Variants in BPIFB4 observed in about 807,000 individuals in gnomAD.
BPIFB4 encodes BPI fold containing family B member 4.
A neutral mutation model predicts 69.2 loss-of-function variants in BPIFB4; 62 were observed. That is an observed-to-expected ratio of 0.90 (90% confidence interval 0.73 to 1.11). BPIFB4 has a LOEUF of 1.11. Among genes scored for constraint, BPIFB4 ranks in the 50% least tolerant of loss-of-function variants. The pLI is 0.00. For missense variants in BPIFB4, 789 were observed against 792.0 expected (o/e 1.00, Z 0.04); for synonymous variants, 330 against 332.7 (o/e 0.99, Z 0.09).
chr20:33,093,834 TCATCCATCCATC>T (rs112485472), intron 11 of BPIFB4, among the ~76,000 whole-genome samples: 3 of 149,216 alleles, frequency 2.0e-5, no homozygotes, highest in South Asian at 2.1e-4. Context: ...CCTTCACAAT[TCATCCATCCATC>T]CATCCATCCA....
In BPIFB4 at chr20:33,092,485, C is replaced by T. The variant is rs1336779252; in HGVS notation, c.1171C>T (p.Leu391Phe). 1 of 1,614,084 alleles carries T rather than the reference C, an allele frequency of 6.2e-7. No homozygotes were observed. Among genetic ancestry groups the T allele is most frequent in the Non-Finnish European group, 8.5e-7 (1 of 1,179,986 alleles). The change falls in exon 11 of 18, where the codon CTC (leucine) becomes TTC (phenylalanine). Residue 391 changes from leucine (L) to phenylalanine (F), a missense_variant. Physicochemically the swap from Leu to Phe is conservative, Grantham distance 22. Coordinates refer to ENST00000375483, the MANE Select transcript of BPIFB4 (RefSeq NM_182519.3). ...GCTGGTTGGGGAGGCTGGAGGAGGACTCATCGACTACCCATTGGGGTGGCC... is the reference window on the plus strand; with the variant it reads ...GCTGGTTGGGGAGGCTGGAGGAGGATTCATCGACTACCCATTGGGGTGGCC... ...NTLVGEAGGGLIDYPLGWPAV... is the reference protein window; with the variant it reads ...NTLVGEAGGGFIDYPLGWPAV...
intron 15 of BPIFB4, among the ~76,000 whole-genome samples, chr20:33,103,722 AC>A (rs1981969569): frequency 6.6e-6 from 1 of 152,048 alleles, no homozygotes; most frequent in East Asian, 1.9e-4. Flanking sequence ...AAAAAGTCAA[AC>A]CCATTCATTG....
chr20:33,090,626 C>T (rs1981568880), intron 9 of BPIFB4, 82 bp from the exon 10 acceptor site: 1 of 1,581,672 alleles, frequency 6.3e-7, no homozygotes, highest in Non-Finnish European at 8.6e-7. Context: ...CCTACCTTGT[C>T]CATCCCCAGC....
Position 33,083,349 on chromosome 20 carries a change from G to A in BPIFB4, c.170-18G>A, listed in dbSNP as rs193270836. On this transcript the variant is annotated intron_variant, in intron 4 of 17. Transcript: ENST00000375483. The stretch of plus-strand genomic sequence containing the variant: ...CGACACCATTACAATGACTACAGAC[G>A]CATTGAATTCCCCCGAGGTGTTGGT... The A allele has an allele frequency of 8.8e-5, 142 of 1,606,926 alleles. 1 individual carries two copies. The Middle Eastern group carries it at 2.2e-3, about 24-fold the overall frequency.
At position 33,107,787 on chromosome 20, in the gene BPIFB4, C is replaced by T. The variant is rs141087913; in HGVS notation, c.1788C>T (p.Ile596=). 8 of 1,614,114 alleles carry T rather than the reference C, an allele frequency of 5.0e-6. No individual in the cohort carries two copies. The highest frequency in any genetic ancestry group is 6.8e-6 in the Non-Finnish European group (8 of 1,179,960). The change falls in exon 17 of 18, where the codon ATC becomes ATT. Residue 596 remains isoleucine (I), a synonymous_variant. Transcript: ENST00000375483. ...TCCCTCTCCCCAAAATCCTCAACAT[C>T]GACTTTAGCAATGCAGACATTGACG... is the stretch of plus-strand genomic sequence containing the variant. ...SGVPLPKILN[I]DFSNADIDVL... is the part of the protein sequence containing the mutation.
chr20:33,098,168 G>A (rs1981809456), intron 13 of BPIFB4, among the ~76,000 whole-genome samples: 1 of 152,190 alleles, frequency 6.6e-6, no homozygotes, highest in Non-Finnish European at 1.5e-5. Context: ...TAGGGCATTA[G>A]TAAGATGCTC....
chr20:33,104,892 G>T lies in BPIFB4; in HGVS notation c.1744+19G>T. On this transcript the variant is annotated intron_variant, in intron 16 of 17. Coordinates refer to ENST00000375483, the MANE Select transcript of BPIFB4 (RefSeq NM_182519.3). ...ATGAACGGTGAGAGCGGGTGCCTGT[G>T]CCTCTCTGGGAGCTTGTGGCTTGGG... 2 of 1,613,022 alleles carry T rather than the reference G, an allele frequency of 1.2e-6. No homozygotes were observed. The highest frequency in any genetic ancestry group is 8.5e-7 in the Non-Finnish European group (1 of 1,179,060).
rs1351125622 is a variant in BPIFB4 at position 33,104,825 on chromosome 20, G to T, written c.1696G>T (p.Val566Leu). 6.2e-6 allele frequency: 10 copies of T among 1,614,164 alleles called. No individual in the cohort carries two copies. Among genetic ancestry groups the T allele is most frequent in the Non-Finnish European group, 7.6e-6 (9 of 1,180,030 alleles). The stretch of plus-strand genomic sequence containing the variant: ...TCCTCTGCAGATTGGCCTCATGGAG[G>T]TGCTGGTGGAGAAGATTTTTGACCT... ...VGNFDIGLME[V>L]LVEKIFDLAF... is the part of the protein sequence containing the mutation. The change falls in exon 16 of 18, where the codon GTG becomes TTG. Residue 566 changes from valine (V) to leucine (L), a missense_variant. By Grantham distance (32) the Val-to-Leu change is conservative. Coordinates refer to ENST00000375483, the MANE Select transcript of BPIFB4 (RefSeq NM_182519.3).
chr20:33,108,598 C>T (rs1169029215), intron 17 of BPIFB4, among the ~76,000 whole-genome samples: 1 of 151,982 alleles, frequency 6.6e-6, no homozygotes, highest in Non-Finnish European at 1.5e-5. Context: ...AGTTCAAATC[C>T]TAACTCTGCC....
At chr20:33,084,819 T>G (rs566539416) in intron 5 of BPIFB4, 73 bp from the exon 6 acceptor site, 2 of 1,544,606 alleles carry the variant, frequency 1.3e-6, no homozygotes, top group Non-Finnish European at 1.7e-6. Context: ...AAAGGGGGTG[T>G]AGGGGAGGGC....
chr20:33,081,173 T>C (rs1981217460), intron 2 of BPIFB4, among the ~76,000 whole-genome samples: 2 of 152,308 alleles, frequency 1.3e-5, no homozygotes, highest in South Asian at 4.1e-4. Context: ...CCTTAGAACC[T>C]GCGAGCTCCC....
chr20:33,079,673 C>T lies in BPIFB4; in HGVS notation c.-154C>T, dbSNP rs780934776. ...GCAGAGGGGCTGGGGAACAGGACTT[C>T]TCAAGACTCAGCGGCAGGGACCTCC... On this transcript the variant is annotated 5_prime_UTR_variant, in exon 1 of 18. Coordinates refer to ENST00000375483, the MANE Select transcript of BPIFB4 (RefSeq NM_182519.3). The T allele has an allele frequency of 1.3e-5, 2 of 152,450 alleles. No homozygotes were observed. The highest frequency in any genetic ancestry group is 2.9e-5 in the Non-Finnish European group (2 of 68,244). The allele number at this position is 152,450 out of a possible 1,614,324, so 9.4% of individuals were successfully genotyped here. A position where few individuals can be genotyped will look rare whatever the true frequency, so the allele number is the denominator to read the frequency against.
At chr20:33,085,834 G>A (rs763747349) in intron 6 of BPIFB4, among the ~76,000 whole-genome samples, 187 bp from the exon 7 acceptor site, 8 of 152,222 alleles carry the variant, frequency 5.3e-5, no homozygotes, top group Non-Finnish European at 1.2e-4. Flanking sequence ...AAGCTCATGG[G>A]CTGAGGGGGA....
In BPIFB4 at chr20:33,082,975, C is replaced by T. The variant is rs370806773; in HGVS notation, c.144C>T (p.His48=). The T allele has an allele frequency of 4.5e-5, 72 of 1,613,152 alleles. No individual in the cohort carries two copies. Among genetic ancestry groups the T allele is most frequent in the Non-Finnish European group, 5.9e-5 (70 of 1,179,754 alleles). Reference sequence around the variant, plus strand: ...TGCTGCAGCAAAGTGATGCTCTCCACTCGGCCCTGAGAGAGGTGCCCTTGG... The same window carrying T: ...TGCTGCAGCAAAGTGATGCTCTCCATTCGGCCCTGAGAGAGGTGCCCTTGG... ...SGMLQQSDAL[H]SALREVPLGV... is the part of the protein sequence containing the mutation. Residue 48 remains histidine, a synonymous_variant, in exon 4 of 18, where the codon CAC becomes CAT. Transcript: ENST00000375483.
chr20:33,083,562 G>A lies in BPIFB4; in HGVS notation c.365G>A (p.Gly122Asp), dbSNP rs1350995919. ...AGCATCAGGGACCTCCGAAACAGTG[G>A]CTATCGCAGTGCCGAGAATGCATAT... ...EGSIRDLRNS[G>D]YRSAENAYGG... Residue 122 changes from glycine to aspartate, a missense_variant, in exon 5 of 18, where the codon GGC (glycine) becomes GAC (aspartate). Gly to Asp is a moderately conservative substitution (Grantham distance 94, BLOSUM62 -1). Transcript: ENST00000375483. 12 of 1,614,084 alleles carry A rather than the reference G, an allele frequency of 7.4e-6. No homozygotes were observed. The highest frequency in any genetic ancestry group is 1.0e-5 in the Non-Finnish European group (12 of 1,179,988).
chr20:33,082,107 C>T (rs932111311), intron 3 of BPIFB4, among the ~76,000 whole-genome samples: 3 of 152,128 alleles, frequency 2.0e-5, no homozygotes, highest in African/African-American at 7.2e-5. Flanking sequence ...TTCTTGCCTC[C>T]AATTCTTAGG....
Position 33,086,017 on chromosome 20 carries a change from C to G in BPIFB4, c.783-4C>G. ...GGTCTCCCTGGCCCCTTGGCCTCCT[C>G]CAGTCTTATTGGCTTCCTGGACATC... On this transcript the variant is annotated splice_region_variant and splice_polypyrimidine_tract_variant and intron_variant, in intron 6 of 17. Transcript: ENST00000375483. 2 of 1,605,088 alleles carry G rather than the reference C, an allele frequency of 1.2e-6. No homozygotes were observed. Among genetic ancestry groups the G allele is most frequent in the Non-Finnish European group, 1.7e-6 (2 of 1,172,662 alleles).
chr20:33,109,267 G>A (rs547825230), intron 17 of BPIFB4, among the ~76,000 whole-genome samples: 153 of 152,198 alleles, frequency 1.0e-3, no homozygotes, highest in Middle Eastern at 3.4e-3. Flanking sequence ...TAGGAAACAC[G>A]AACAGGATTG....
chr20:33,098,956 A>C (rs1375011129), intron 13 of BPIFB4, among the ~76,000 whole-genome samples: 2 of 148,768 alleles, frequency 1.3e-5, no homozygotes, highest in South Asian at 2.1e-4. Context: ...CTCTTCCCCC[A>C]GGTATCTGCA....
Sources: allele counts gnomAD v4.1 joint callset (sites outside exome capture counted in the v4.1 genomes callset), GRCh38; gene constraint gnomAD v4.1.1; transcripts MANE v1.5; gene names NCBI Gene and HGNC (gene_info 2026-07-23, HGNC 2026-07-21).